TP53BP1: variants seen among roughly 807,000 people sequenced by gnomAD.
TP53BP1 encodes tumor protein p53 binding protein 1, also known as TP53-binding protein 1.
In TP53BP1, 61 loss-of-function variants were observed where a neutral mutation model predicts 200.8. That is an observed-to-expected ratio of 0.30 (90% CI 0.25 to 0.38). The LOEUF is 0.38. Among genes scored for constraint, TP53BP1 ranks in the 10% least tolerant of loss-of-function variants. The pLI is 1.00. For missense variants in TP53BP1, 2,144 were observed against 2,371.9 expected (o/e 0.90, Z 2.00); for synonymous variants, 822 against 844.3 (o/e 0.97, Z 0.46).
Position 43,403,533 on chromosome 15 carries a change from C to T in TP53BP1, c.*3850G>A. On this transcript the variant is annotated 3_prime_UTR_variant, in exon 28 of 28. Transcript: ENST00000382044. ...GCATTTTGTGCGTCTGAGGGGCTGG[C>T]AGGCCTTGCACGTGGCAGTGTCTAT... 5.0e-6 allele frequency: 3 copies of T among 605,508 alleles called. No homozygotes were observed. Among genetic ancestry groups the T allele is most frequent in the Non-Finnish European group, 8.9e-6 (3 of 338,716 alleles). The allele number at this position is 605,508 out of a possible 1,614,324, so 37.5% of individuals were successfully genotyped here. A position where few individuals can be genotyped will look rare whatever the true frequency, so the allele number is the denominator to read the frequency against.
chr15:43,473,800 G>C (rs1183290981), intron 10 of TP53BP1, among the ~76,000 whole-genome samples: 1 of 152,246 alleles, frequency 6.6e-6, no homozygotes, highest in African/African-American at 2.4e-5. Flanking sequence ...CAGCAGCCCA[G>C]CTGGCTTCAC....
chr15:43,421,071 C>A lies in TP53BP1; in HGVS notation c.4204G>T (p.Gly1402Trp), dbSNP rs1416427157. ...QGGKAPVTPR[G>W]RGRRGRPPSR... Reference sequence around the variant, plus strand: ...GGTGGGCGGCCCCTTCGCCCACGCCCACGAGGCGTGACTGGAGCCTTCCCT... The same window carrying A: ...GGTGGGCGGCCCCTTCGCCCACGCCAACGAGGCGTGACTGGAGCCTTCCCT... Residue 1402 changes from glycine (G) to tryptophan (W), a missense_variant, in exon 20 of 28, where the codon GGG (glycine) becomes TGG (tryptophan). Gly to Trp is a radical substitution (Grantham distance 184). Coordinates refer to ENST00000382044, the MANE Select transcript of TP53BP1 (RefSeq NM_001141980.3). 1 of 1,614,192 alleles carries A rather than the reference C, an allele frequency of 6.2e-7. No homozygotes were observed. Among genetic ancestry groups the A allele is most frequent in the Admixed American group, 1.7e-5 (1 of 60,024 alleles).
At position 43,403,945 on chromosome 15, in the gene TP53BP1, G is replaced by T. The variant is rs2044767373; in HGVS notation, c.*3438C>A. 7.9e-6 allele frequency: 5 copies of T among 635,556 alleles called. No homozygotes were observed. The highest frequency in any genetic ancestry group is 1.1e-5 in the Non-Finnish European group (4 of 364,610). The allele number at this position is 635,556 out of a possible 1,614,324, so 39.4% of individuals were successfully genotyped here. A position where few individuals can be genotyped will look rare whatever the true frequency, so the allele number is the denominator to read the frequency against. ...ATAAGATACAAAGATAAAAATGTTGGTATCAGTTGATTTTGAAGCAGGTAA... is the reference window on the plus strand; with the variant it reads ...ATAAGATACAAAGATAAAAATGTTGTTATCAGTTGATTTTGAAGCAGGTAA... On this transcript the variant is annotated 3_prime_UTR_variant, in exon 28 of 28. Transcript: ENST00000382044.
intron 16 of TP53BP1, among the ~76,000 whole-genome samples, chr15:43,433,912 G>C (rs563031147): frequency 4.6e-5 from 7 of 152,132 alleles, no homozygotes; most frequent in Admixed American, 1.3e-4. Flanking sequence ...GCTTTCCTAC[G>C]TAGACAGGGT....
Position 43,405,289 on chromosome 15 carries a change from T to C in TP53BP1, c.*2094A>G. 4.6e-6 allele frequency: 7 copies of C among 1,522,932 alleles called. No homozygotes were observed. The highest frequency in any genetic ancestry group is 6.4e-6 in the Non-Finnish European group (7 of 1,098,034). The allele number at this position is 1,522,932 out of a possible 1,614,324, so 94.3% of individuals were successfully genotyped here. On this transcript the variant is annotated 3_prime_UTR_variant, in exon 28 of 28. Transcript: ENST00000382044. ...ACAGAAGATTCAAAACATCCCATTC[T>C]AGCCACACACAAATAAATATCTGCG...
chr15:43,431,715 TA>T (rs1405883917), intron 17 of TP53BP1, among the ~76,000 whole-genome samples: 2 of 152,240 alleles, frequency 1.3e-5, no homozygotes, highest in Non-Finnish European at 2.9e-5. Context: ...TCTCTCTCTC[TA>T]TTCCTGTTAC....
intron 4 of TP53BP1, among the ~76,000 whole-genome samples, chr15:43,485,356 T>A (rs2079030774): frequency 6.6e-6 from 1 of 151,824 alleles, no homozygotes; most frequent in South Asian, 2.1e-4. Flanking sequence ...GGCGGGCGGA[T>A]CACGAGGTCA....
chr15:43,433,736 C>T (rs1224870533), intron 16 of TP53BP1, among the ~76,000 whole-genome samples: 1 of 152,118 alleles, frequency 6.6e-6, no homozygotes. Flanking sequence ...TGTTTCAGTT[C>T]TCGGCATGAC....
intron 18 of TP53BP1, among the ~76,000 whole-genome samples, chr15:43,424,107 T>A (rs1202259694): frequency 3.3e-5 from 5 of 152,216 alleles, no homozygotes; most frequent in Non-Finnish European, 7.3e-5. Flanking sequence ...CTGCCTTCAA[T>A]GAATAAATCC....
At chr15:43,455,343 A>G (rs1303269521) in intron 12 of TP53BP1, among the ~76,000 whole-genome samples, 1 of 152,176 alleles carries the variant, frequency 6.6e-6, no homozygotes, top group Admixed American at 6.5e-5. Flanking sequence ...CAATTTCTAA[A>G]TATTTTTTAC....
chr15:43,478,897 T>G (rs912399553), intron 7 of TP53BP1, among the ~76,000 whole-genome samples: 13 of 152,214 alleles, frequency 8.5e-5, no homozygotes, highest in South Asian at 4.2e-4. Context: ...GAGTCATGCT[T>G]ATAGTTAGAG....
chr15:43,426,735 G>A (rs764936604), intron 18 of TP53BP1, among the ~76,000 whole-genome samples: 6 of 151,790 alleles, frequency 4.0e-5, no homozygotes, highest in African/African-American at 7.3e-5. Flanking sequence ...GTGCCTTGCC[G>A]GGCGCGGTGG....
At chr15:43,416,549 C>T in intron 21 of TP53BP1, 133 bp from the exon 22 acceptor site, 1 of 765,566 alleles carries the variant, frequency 1.3e-6, no homozygotes, top group South Asian at 2.0e-5. Context: ...TAGGACTTAA[C>T]AAAATTCCAG....
At chr15:43,464,387 AAATT>A (rs987277303) in intron 11 of TP53BP1, among the ~76,000 whole-genome samples, 3 of 152,246 alleles carry the variant, frequency 2.0e-5, no homozygotes, top group African/African-American at 7.2e-5. Flanking sequence ...CCAAGAGTAG[AAATT>A]AATAACTAAG....
At chr15:43,508,229 G>A (rs955045267) in intron 1 of TP53BP1, among the ~76,000 whole-genome samples, 5 of 152,076 alleles carry the variant, frequency 3.3e-5, no homozygotes, top group East Asian at 1.9e-4. Flanking sequence ...GCATGGTGGC[G>A]CACGCCTGTA....
intron 18 of TP53BP1, among the ~76,000 whole-genome samples, chr15:43,424,308 T>G (rs2045476028): frequency 6.6e-6 from 1 of 152,166 alleles, no homozygotes; most frequent in Non-Finnish European, 1.5e-5. Flanking sequence ...TAAAACTATC[T>G]TCACCCCTTC....
At chr15:43,431,509 C>T (rs1322877308) in intron 17 of TP53BP1, among the ~76,000 whole-genome samples, 10 of 152,030 alleles carry the variant, frequency 6.6e-5, no homozygotes, top group Non-Finnish European at 8.8e-5. Flanking sequence ...CCTCCAAAAG[C>T]GCTGGGATTT....
intron 24 of TP53BP1, chr15:43,412,878 A>C (rs1376080864): frequency 3.4e-6 from 2 of 586,218 alleles, no homozygotes; most frequent in Non-Finnish European, 6.4e-6. Flanking sequence ...AAAATAGATA[A>C]GATCTATCTC....
chr15:43,504,597 G>T (rs1253213218), intron 1 of TP53BP1, among the ~76,000 whole-genome samples: 1 of 152,106 alleles, frequency 6.6e-6, no homozygotes, highest in Non-Finnish European at 1.5e-5. Flanking sequence ...TAAGGTAAAG[G>T]TAAATAAATA....
Sources: gnomAD v4.1 joint callset for allele counts (sites outside exome capture counted in the v4.1 genomes callset) on GRCh38, gnomAD v4.1.1 for gene constraint, MANE v1.5 for transcripts, NCBI Gene and HGNC (gene_info 2026-07-23, HGNC 2026-07-21) for gene names.